Variants in PTPRD observed in about 807,000 individuals in gnomAD.
The protein encoded by PTPRD is protein tyrosine phosphatase receptor type D, also known as receptor-type tyrosine-protein phosphatase delta.
Under a neutral mutation model 214.5 loss-of-function variants are expected in PTPRD, and 34 were observed. That is an observed-to-expected ratio of 0.16 (90% CI 0.12 to 0.21). PTPRD has a LOEUF of 0.21. Ranked by LOEUF, PTPRD falls within the 10% of genes least tolerant of loss-of-function variation. The pLI is 1.00. For missense variants in PTPRD, 2,545 were observed against 2,398.7 expected (o/e 1.06, Z -1.27); for synonymous variants, 1,128 against 845.7 (o/e 1.33, Z -5.79).
At chr9:10,084,038 A>C (rs2098287215) in intron 3 of PTPRD, among the ~76,000 whole-genome samples, 1 of 151,916 alleles carries the variant, frequency 6.6e-6, no homozygotes, top group Admixed American at 6.6e-5. Flanking sequence ...AAACTTCCTA[A>C]AATCTCCTAA....
intron 10 of PTPRD, among the ~76,000 whole-genome samples, chr9:9,119,817 C>A (rs914573006): frequency 6.6e-6 from 1 of 151,608 alleles, no homozygotes; most frequent in Non-Finnish European, 1.5e-5. Context: ...AGCCACCATG[C>A]CTTGCCAGAT....
intron 14 of PTPRD, among the ~76,000 whole-genome samples, chr9:8,573,327 A>C (rs947980419): frequency 2.0e-5 from 3 of 152,050 alleles, no homozygotes; most frequent in Admixed American, 6.6e-5. Context: ...TGTATTTAAT[A>C]TATTTATTCC....
intron 12 of PTPRD, among the ~76,000 whole-genome samples, chr9:8,670,028 T>G (rs188705468): frequency 6.6e-6 from 1 of 152,122 alleles, no homozygotes; most frequent in East Asian, 1.9e-4. Flanking sequence ...TCTTTTTTTT[T>G]TTTTAATTCA....
intron 3 of PTPRD, among the ~76,000 whole-genome samples, chr9:10,168,675 T>C (rs1564280719): frequency 1.3e-5 from 2 of 152,226 alleles, no homozygotes; most frequent in Non-Finnish European, 2.9e-5. Context: ...AAAAAGTATT[T>C]ATTAAAAGAA....
intron 3 of PTPRD, among the ~76,000 whole-genome samples, chr9:10,292,560 C>T (rs184663410): frequency 6.6e-6 from 1 of 152,030 alleles, no homozygotes; most frequent in East Asian, 1.9e-4. Flanking sequence ...CCCAAAATAG[C>T]CCACAGAAAA....
intron 3 of PTPRD, among the ~76,000 whole-genome samples, chr9:10,202,205 C>A (rs2099428812): frequency 6.6e-6 from 1 of 152,028 alleles, no homozygotes; most frequent in African/African-American, 2.4e-5. Flanking sequence ...CCTTAGCCTC[C>A]AAAAGAGAGC....
intron 3 of PTPRD, among the ~76,000 whole-genome samples, chr9:10,119,449 T>G (rs142168091): frequency 2.0e-5 from 3 of 152,040 alleles, no homozygotes; most frequent in African/African-American, 7.2e-5. Flanking sequence ...TCTAATTTAG[T>G]ACATGAAAAA....
intron 30 of PTPRD, among the ~76,000 whole-genome samples, chr9:8,475,301 A>G (rs763922581): frequency 6.6e-6 from 1 of 152,106 alleles, no homozygotes; most frequent in Non-Finnish European, 1.5e-5. Flanking sequence ...AACACTCTCC[A>G]TGAAACATTC....
chr9:8,501,633 A>G lies in PTPRD; in HGVS notation c.1823-574T>C, dbSNP rs149617665. On this transcript the variant is annotated intron_variant, in intron 23 of 45. Transcript: ENST00000381196. ...ATAAACAACAAACATAAGAGGGTTCACTCTATCTGAAAAACTGAGTTTGCC... is the reference window on the plus strand; with the variant it reads ...ATAAACAACAAACATAAGAGGGTTCGCTCTATCTGAAAAACTGAGTTTGCC... Among the ~76,000 whole-genome samples, 393 of 152,302 alleles carry G rather than the reference A, an allele frequency of 2.6e-3. 2 individuals carry two copies. Among genetic ancestry groups the G allele is most frequent in the African/African-American group, 9.0e-3 (375 of 41,572 alleles).
intron 4 of PTPRD, among the ~76,000 whole-genome samples, chr9:9,984,578 G>T (rs1358742642): frequency 6.6e-6 from 1 of 152,166 alleles, no homozygotes; most frequent in South Asian, 2.1e-4. Flanking sequence ...TTTGGGCCCC[G>T]TGGCTACCTT....
chr9:9,719,906 G>A (rs1205098443), intron 7 of PTPRD, among the ~76,000 whole-genome samples: 4 of 152,142 alleles, frequency 2.6e-5, no homozygotes, highest in Non-Finnish European at 5.9e-5. Context: ...CTAGTGCGTG[G>A]AGCTGCCAGC....
intron 14 of PTPRD, among the ~76,000 whole-genome samples, chr9:8,567,149 A>G (rs555238276): frequency 6.6e-6 from 1 of 152,332 alleles, no homozygotes; most frequent in South Asian, 2.1e-4. Flanking sequence ...GATGCAATGA[A>G]TAACTACCAG....
chr9:9,428,175 G>T (rs1018268799), intron 8 of PTPRD, among the ~76,000 whole-genome samples: 1 of 152,044 alleles, frequency 6.6e-6, no homozygotes, highest in South Asian at 2.1e-4. Context: ...TCCATCTCAC[G>T]TGCAGAGACA....
chr9:9,151,564 G>T (rs188488591), intron 10 of PTPRD, among the ~76,000 whole-genome samples: 8 of 152,168 alleles, frequency 5.3e-5, no homozygotes, highest in African/African-American at 1.7e-4. Flanking sequence ...AATTTGAAAT[G>T]GTTGAATACC....
chr9:9,226,713 G>A (rs1177887312), intron 9 of PTPRD, among the ~76,000 whole-genome samples: 1 of 151,958 alleles, frequency 6.6e-6, no homozygotes, highest in Non-Finnish European at 1.5e-5. Flanking sequence ...ATCTCACAGG[G>A]TTGCTATGCA....
intron 12 of PTPRD, among the ~76,000 whole-genome samples, chr9:8,682,907 T>C (rs2097577490): frequency 6.6e-6 from 1 of 152,182 alleles, no homozygotes; most frequent in African/African-American, 2.4e-5. Flanking sequence ...GTTTCTGCTG[T>C]TGCTATTTTG....
intron 8 of PTPRD, among the ~76,000 whole-genome samples, chr9:9,441,371 AG>A (rs2087691308): frequency 6.6e-6 from 1 of 152,226 alleles, no homozygotes; most frequent in Non-Finnish European, 1.5e-5. Flanking sequence ...ACAGGTAAAA[AG>A]GTAGAAATAA....
intron 12 of PTPRD, among the ~76,000 whole-genome samples, chr9:8,668,328 T>A (rs2097209733): frequency 6.6e-6 from 1 of 152,198 alleles, no homozygotes; most frequent in African/African-American, 2.4e-5. Context: ...AAAAAATAGA[T>A]CAAATTAGGT....
At chr9:8,954,821 A>C (rs767998551) in intron 11 of PTPRD, among the ~76,000 whole-genome samples, 1 of 151,940 alleles carries the variant, frequency 6.6e-6, no homozygotes, top group African/African-American at 2.4e-5. Context: ...TAAAGATTGC[A>C]TTGAAGAAAA....
Sources: gnomAD v4.1 joint callset for allele counts (sites outside exome capture counted in the v4.1 genomes callset) on GRCh38, gnomAD v4.1.1 for gene constraint, MANE v1.5 for transcripts, NCBI Gene and HGNC (gene_info 2026-07-23, HGNC 2026-07-21) for gene names.